The following MYO1H variants were observed in gnomAD, a reference collection of about 807,000 sequenced individuals.
MYO1H encodes the protein myosin IH.
Under a neutral mutation model 149.3 loss-of-function variants are expected in MYO1H, and 118 were observed. That is an observed-to-expected ratio of 0.79 (90% CI 0.68 to 0.92). MYO1H has a LOEUF of 0.92. MYO1H is among the 40% of genes least tolerant of loss of function. The pLI is 0.00. For missense variants in MYO1H, 1,212 were observed against 1,280.7 expected (o/e 0.95, Z 0.82); for synonymous variants, 447 against 465.2 (o/e 0.96, Z 0.50).
At chr12:109,442,181 T>C (rs761492984) in intron 26 of MYO1H, 36 bp from the exon 27 acceptor site, 7 of 1,589,718 alleles carry the variant, frequency 4.4e-6, no homozygotes, top group East Asian at 4.5e-5. Flanking sequence ...ATTGGTACTT[T>C]AGTGATGATT....
intron 13 of MYO1H, among the ~76,000 whole-genome samples, chr12:109,411,155 A>C (rs549539019): frequency 6.6e-6 from 1 of 152,066 alleles, no homozygotes; most frequent in East Asian, 1.9e-4. Context: ...AAATAAAAAT[A>C]AAAATAAAAA....
intron 1 of MYO1H, among the ~76,000 whole-genome samples, chr12:109,358,282 C>T (rs557164198): frequency 2.6e-5 from 4 of 152,116 alleles, no homozygotes; most frequent in Admixed American, 1.3e-4. Context: ...GTATACAAGA[C>T]TGTAAACCTG....
chr12:109,341,235 A>C, the MYO1H span, among the ~76,000 whole-genome samples: 1 of 151,670 alleles, frequency 6.6e-6, no homozygotes, highest in African/African-American at 2.4e-5. Flanking sequence ...ATCTCAAAAA[A>C]AAAAAAAAAA....
At chr12:109,442,245 T>A in exon 27 of MYO1H, 1 of 1,613,942 alleles carries the variant, frequency 6.2e-7, no homozygotes, top group South Asian at 1.1e-5. Context: ...CGAAAGTGCT[T>A]CAGCTAATTA....
chr12:109,341,493 A>C, the MYO1H span, among the ~76,000 whole-genome samples: 1 of 152,250 alleles, frequency 6.6e-6, no homozygotes, highest in Non-Finnish European at 1.5e-5. Flanking sequence ...AGTTTGCTAT[A>C]GCAAGGGAGT....
chr12:109,317,931 A>T, the MYO1H span, among the ~76,000 whole-genome samples: 2 of 152,230 alleles, frequency 1.3e-5, no homozygotes, highest in Non-Finnish European at 2.9e-5. Context: ...CTGGGTCTGG[A>T]TAACATCTTG....
the MYO1H span, among the ~76,000 whole-genome samples, chr12:109,318,366 C>T: frequency 2.0e-5 from 3 of 151,940 alleles, no homozygotes; most frequent in Non-Finnish European, 2.9e-5. Flanking sequence ...GCTAATTTTC[C>T]CTTCACTCCT....
At chr12:109,335,812 A>G in the MYO1H span, among the ~76,000 whole-genome samples, 2 of 152,146 alleles carry the variant, frequency 1.3e-5, no homozygotes, top group Admixed American at 6.5e-5. Context: ...TTTATTGGCT[A>G]TGTAGATGAC....
the MYO1H span, among the ~76,000 whole-genome samples, chr12:109,337,553 T>C: frequency 6.6e-6 from 1 of 152,120 alleles, no homozygotes; most frequent in Non-Finnish European, 1.5e-5. Flanking sequence ...CAAGAGATCA[T>C]GTGCAGGGGA....
At chr12:109,401,028 A>G in intron 5 of MYO1H, 65 bp from the exon 6 acceptor site, 1 of 1,427,318 alleles carries the variant, frequency 7.0e-7, no homozygotes, top group South Asian at 1.3e-5. Context: ...TCGGGCCATC[A>G]GGAGATGCCA....
chr12:109,396,685 A>G (rs1375557884), intron 4 of MYO1H, 103 bp downstream of exon 4: 1 of 958,890 alleles, frequency 1.0e-6, no homozygotes, highest in Non-Finnish European at 1.5e-6. Context: ...GTCACTGTTA[A>G]GAAAAGAGGT....
At chr12:109,402,218 C>G (rs564174444) in intron 6 of MYO1H, among the ~76,000 whole-genome samples, 2 of 152,344 alleles carry the variant, frequency 1.3e-5, no homozygotes, top group East Asian at 3.9e-4. Flanking sequence ...GCAGCCTGCA[C>G]TAGCGTCCTA....
chr12:109,410,587 A>C (rs1870620840), intron 12 of MYO1H, 101 bp from the exon 13 acceptor site: 1 of 745,028 alleles, frequency 1.3e-6, no homozygotes, highest in East Asian at 2.7e-5. Context: ...GAATATAAAA[A>C]CTAGATTTTG....
At chr12:109,442,795 CTTTTTTTT>C (rs747073389) in intron 27 of MYO1H, among the ~76,000 whole-genome samples, 2 of 94,016 alleles carry the variant, frequency 2.1e-5, no homozygotes, top group East Asian at 3.2e-4. Context: ...AGTGTCTGCT[CTTTTTTTT>C]TTTTTTTTTT....
chr12:109,378,042 TC>T (rs1317414100), intron 1 of MYO1H, among the ~76,000 whole-genome samples: 4 of 152,220 alleles, frequency 2.6e-5, no homozygotes, highest in Non-Finnish European at 2.9e-5. Flanking sequence ...TATTGATAAC[TC>T]TTTTTCATCT....
chr12:109,351,922 G>T (rs145345327), intron 1 of MYO1H, among the ~76,000 whole-genome samples: 1 of 152,142 alleles, frequency 6.6e-6, no homozygotes, highest in Non-Finnish European at 1.5e-5. Flanking sequence ...ATTACTGCAT[G>T]CTTTTACTCA....
chr12:109,424,630 T>C (rs894618671), intron 16 of MYO1H, 118 bp from the exon 17 acceptor site: 1 of 685,260 alleles, frequency 1.5e-6, no homozygotes, highest in African/African-American at 1.8e-5. Flanking sequence ...AGGAACATCT[T>C]CAAGCATTCA....
intron 1 of MYO1H, among the ~76,000 whole-genome samples, chr12:109,387,128 C>T (rs7300600): frequency 0.059 from 8,893 of 149,840 alleles, 856 homozygotes; most frequent in African/African-American, 0.21. Context: ...TGGGAATCTC[C>T]CTGTGTTGCC....
intron 1 of MYO1H, among the ~76,000 whole-genome samples, chr12:109,358,594 G>A (rs1868660654): frequency 2.0e-5 from 3 of 152,106 alleles, no homozygotes; most frequent in Non-Finnish European, 2.9e-5. Context: ...ACAGAATTTT[G>A]CCATGCAATG....
Sources: gnomAD v4.1 joint callset for allele counts (sites outside exome capture counted in the v4.1 genomes callset) on GRCh38, gnomAD v4.1.1 for gene constraint, MANE v1.5 for transcripts, NCBI Gene and HGNC (gene_info 2026-07-23, HGNC 2026-07-21) for gene names.